Variants in BOC observed in about 807,000 individuals in gnomAD.
BOC encodes the protein BOC cell adhesion associated, oncogene regulated.
In BOC, 76 loss-of-function variants were observed where a neutral mutation model predicts 112.0. That is an observed-to-expected ratio of 0.68 (90% CI 0.56 to 0.82). The LOEUF (loss-of-function observed/expected upper bound fraction) is 0.82, where lower values mean the gene tolerates loss of function less well. Ranked by LOEUF, BOC falls within the 40% of genes least tolerant of loss-of-function variation. The pLI is 0.00. For missense variants in BOC, 1,309 were observed against 1,511.7 expected (o/e 0.87, Z 2.22); for synonymous variants, 580 against 599.8 (o/e 0.97, Z 0.48).
intron 2 of BOC, among the ~76,000 whole-genome samples, chr3:113,231,460 G>T (rs941858954): frequency 1.2e-4 from 19 of 152,164 alleles, no homozygotes; most frequent in Non-Finnish European, 2.4e-4. Flanking sequence ...AACCTCTTAG[G>T]CCAGTATTTC....
At chr3:113,279,568 C>A in intron 12 of BOC, 113 bp downstream of exon 12, 1 of 1,034,862 alleles carries the variant, frequency 9.7e-7, no homozygotes, top group Admixed American at 2.4e-5. Context: ...CCCCACCCAC[C>A]AGCATGCCTC....
Position 113,272,451 on chromosome 3 carries a change from G to A in BOC, c.709G>A (p.Ala237Thr). 1.9e-6 allele frequency: 3 copies of A among 1,614,000 alleles called. No individual in the cohort carries two copies. Among genetic ancestry groups the A allele is most frequent in the Non-Finnish European group, 2.5e-6 (3 of 1,180,014 alleles). The change falls in exon 7 of 20, where the codon GCC becomes ACC. Residue 237 changes from alanine (A) to threonine (T), a missense_variant. By Grantham distance (58) the Ala-to-Thr change is moderately conservative. Coordinates refer to ENST00000682979, the MANE Select transcript of BOC (RefSeq NM_001378074.1). ...EAARIIYPPEAQTIIVTKGQS... is the reference protein window; with the variant it reads ...EAARIIYPPETQTIIVTKGQS... ...TGCCCGCATCATCTACCCCCCAGAG[G>A]CCCAAACCATCATCGTCACCAAAGG...
intron 2 of BOC, among the ~76,000 whole-genome samples, chr3:113,237,243 G>C (rs1202146324): frequency 6.6e-6 from 1 of 152,126 alleles, no homozygotes; most frequent in Admixed American, 6.5e-5. Flanking sequence ...AGCCAGCCGT[G>C]GGCTCAGCAC....
At chr3:113,261,542 G>A (rs1358051927) in intron 4 of BOC, among the ~76,000 whole-genome samples, 1 of 152,110 alleles carries the variant, frequency 6.6e-6, no homozygotes, top group South Asian at 2.1e-4. Flanking sequence ...TGTTCATCTG[G>A]CTGCCAGACC....
intron 4 of BOC, among the ~76,000 whole-genome samples, chr3:113,266,227 G>T (rs1044764844): frequency 3.9e-5 from 6 of 152,180 alleles, no homozygotes; most frequent in African/African-American, 1.4e-4. Flanking sequence ...GTGTGTGTGT[G>T]TGGGTACATA....
In BOC at chr3:113,278,177, C is replaced by T. The variant is rs758935784; in HGVS notation, c.1625C>T (p.Pro542Leu). 1.2e-6 allele frequency: 2 copies of T among 1,614,218 alleles called. No individual in the cohort carries two copies. Among genetic ancestry groups the T allele is most frequent in the Admixed American group, 1.7e-5 (1 of 60,026 alleles). Residue 542 changes from proline to leucine, a missense_variant, in exon 10 of 20, where the codon CCC becomes CTC. Pro to Leu is a moderately conservative substitution (Grantham distance 98). Coordinates refer to ENST00000682979, the MANE Select transcript of BOC (RefSeq NM_001378074.1). The surrounding 1 kb of genome is among the most constrained non-coding windows in gnomAD (Gnocchi z 4.2). ...CGCCTGACCCTCACCAGACTTGACC[C>T]CGGGAGCTTGTATGAAGTGGAGATG... The part of the protein sequence containing the change: ...QHRLTLTRLD[P>L]GSLYEVEMAA...
At chr3:113,214,436 C>T (rs9839912) in intron 1 of BOC, among the ~76,000 whole-genome samples, 11,962 of 152,236 alleles carry the variant, frequency 0.079, 617 homozygotes, top group East Asian at 0.2. Context: ...CATAGTGTTC[C>T]GTGTCCCCTA....
At chr3:113,267,664 G>A (rs539721212) in intron 4 of BOC, among the ~76,000 whole-genome samples, 9 of 152,316 alleles carry the variant, frequency 5.9e-5, no homozygotes, top group African/African-American at 1.7e-4. Flanking sequence ...AACCATGGCC[G>A]GCAACCAAGT....
chr3:113,286,678 C>T lies in BOC; in HGVS notation c.3164C>T (p.Pro1055Leu). 2 of 1,576,680 alleles carry T rather than the reference C, an allele frequency of 1.3e-6. No individual in the cohort carries two copies. The highest frequency in any genetic ancestry group is 8.6e-7 in the Non-Finnish European group (1 of 1,163,406). Residue 1055 changes from proline (P) to leucine (L), a missense_variant, in exon 20 of 20, where the codon CCC (proline) becomes CTC (leucine). Physicochemically the swap from Pro to Leu is moderately conservative, Grantham distance 98. Transcript: ENST00000682979. ...AVWDPPFHSG[P>L]PCCLGLVPVE... The stretch of plus-strand genomic sequence containing the variant: ...TTCCTACTCTTTCTCCCCTCAGGGC[C>T]CCCATGCTGCTTGGGCCTTGTGCCA...
Position 113,274,623 on chromosome 3 carries a change from C to G in BOC, c.1483C>G (p.Pro495Ala). ...AGACTCATATGAACTGGTGTGGCGG[C>G]CTCGGCATGAGGGCAGTGGCCGGGC... ...KTDSYELVWR[P>A]RHEGSGRAPI... Residue 495 changes from proline (P) to alanine (A), a missense_variant, in exon 9 of 20, where the codon CCT becomes GCT. Pro to Ala is a conservative substitution (Grantham distance 27, BLOSUM62 -1). Transcript: ENST00000682979. This position sits in a 1 kb window ranked among gnomAD's most constrained non-coding sequence, Gnocchi z 4.8. The G allele has an allele frequency of 6.2e-7, 1 of 1,611,196 alleles. No individual in the cohort carries two copies.
chr3:113,222,989 G>A (rs960062117), intron 2 of BOC, among the ~76,000 whole-genome samples: 6 of 152,244 alleles, frequency 3.9e-5, no homozygotes, highest in African/African-American at 1.4e-4. Flanking sequence ...ACAGGCCGTG[G>A]AAGTAAGGAA....
chr3:113,228,363 G>A (rs1488587069), intron 2 of BOC, among the ~76,000 whole-genome samples: 1 of 152,036 alleles, frequency 6.6e-6, no homozygotes, highest in African/African-American at 2.4e-5. Flanking sequence ...AGGAGTACAG[G>A]GCTCCTGATT....
intron 13 of BOC, 110 bp downstream of exon 13, chr3:113,280,115 A>G: frequency 8.3e-7 from 1 of 1,201,844 alleles, no homozygotes; most frequent in Non-Finnish European, 1.1e-6. Flanking sequence ...AAGCTTCATC[A>G]GTGGAATTTG....
intron 7 of BOC, 97 bp downstream of exon 7, chr3:113,272,800 T>C: frequency 7.0e-7 from 1 of 1,420,152 alleles, no homozygotes; most frequent in Non-Finnish European, 9.6e-7. Context: ...GGTTAGCATC[T>C]TGTGAAAGGC....
chr3:113,283,637 G>A lies in BOC; in HGVS notation c.2656+5G>A. The A allele has an allele frequency of 7.4e-6, 12 of 1,611,506 alleles. No homozygotes were observed. Among genetic ancestry groups the A allele is most frequent in the Non-Finnish European group, 1.0e-5 (12 of 1,178,076 alleles). On this transcript the variant is annotated splice_donor_5th_base_variant and intron_variant, in intron 16 of 19. Transcript: ENST00000682979. ...GGAGGGCCTGGTCTAAGCAAAGTGA[G>A]TGAGTGACGCTTTCAGTGGGAGGAT...
chr3:113,212,413 C>T (rs1938363497), intron 1 of BOC: 1 of 152,190 alleles, frequency 6.6e-6, no homozygotes, highest in Admixed American at 6.5e-5. Flanking sequence ...AAACTTCCAC[C>T]GAAGGTTGAC....
rs1024764176 is a variant in BOC at position 113,267,061 on chromosome 3, G to A, written c.377-1238G>A. Among the ~76,000 whole-genome samples, 9 of 152,242 alleles carry A rather than the reference G, an allele frequency of 5.9e-5. 1 individual carries two copies. The highest frequency in any genetic ancestry group is 2.2e-4 in the African/African-American group (9 of 41,458). On this transcript the variant is annotated intron_variant, in intron 4 of 19. Transcript: ENST00000682979. The stretch of plus-strand genomic sequence containing the variant: ...CAGTGAAATTGCAGTCAGTCCCAAT[G>A]CTGTCAGTCCCGGGAGCTGAGCAGA...
At chr3:113,236,226 ATATGTG>A (rs1323357488) in intron 2 of BOC, among the ~76,000 whole-genome samples, 6 of 96,732 alleles carry the variant, frequency 6.2e-5, no homozygotes, top group Admixed American at 2.8e-4. Context: ...GTATATACGT[ATATGTG>A]TGTGTGTGTG....
chr3:113,284,575 A>T lies in BOC; in HGVS notation c.2889+8A>T, dbSNP rs1949495280. ...CCAGGCGAGCTTCAGCAGGTAGCGC[A>T]TTCTTGGGTGTGGGCGGCAGGTATG... is the stretch of plus-strand genomic sequence containing the variant. On this transcript the variant is annotated splice_region_variant and intron_variant, in intron 17 of 19. Transcript: ENST00000682979. The T allele has an allele frequency of 5.0e-6, 8 of 1,607,842 alleles. No individual in the cohort carries two copies. The highest frequency in any genetic ancestry group is 6.8e-6 in the Non-Finnish European group (8 of 1,177,116).
Sources: gnomAD v4.1 joint callset for allele counts (sites outside exome capture counted in the v4.1 genomes callset) on GRCh38, gnomAD v4.1.1 for gene constraint, Gnocchi (gnomAD v3.1) non-coding constraint, MANE v1.5 for transcripts, NCBI Gene and HGNC (gene_info 2026-07-23, HGNC 2026-07-21) for gene names.